METTL8: variants seen among roughly 807,000 people sequenced by gnomAD.
METTL8 encodes the protein tRNA N(3)-cytidine methyltransferase METTL8, mitochondrial.
In METTL8, 32 loss-of-function variants were observed where a neutral mutation model predicts 48.7. That is an observed-to-expected ratio of 0.66 (90% CI 0.50 to 0.88). The LOEUF (loss-of-function observed/expected upper bound fraction) is 0.88. METTL8 is among the 40% of genes least tolerant of loss of function. The pLI, the probability that METTL8 is intolerant of heterozygous loss-of-function variation, is 0.00. For synonymous variants in METTL8, 136 were observed against 157.1 expected (o/e 0.87, Z 1.01); for missense variants, 464 against 474.4 (o/e 0.98, Z 0.20).
intron 3 of METTL8, among the ~76,000 whole-genome samples, chr2:171,355,251 C>T (rs560003107): frequency 6.6e-6 from 1 of 152,326 alleles, no homozygotes; most frequent in East Asian, 1.9e-4. Context: ...CCCTGTTAAC[C>T]TAGGTATCAC....
chr2:171,434,222 C>G (rs1693566422), upstream of METTL8: 1 of 438,812 alleles, frequency 2.3e-6, no homozygotes, highest in African/African-American at 2.0e-5. Flanking sequence ...ATTGTAGTTC[C>G]TGGGAGAAGC....
chr2:171,325,979 G>A, intron 8 of METTL8, 63 bp downstream of exon 8: 2 of 1,355,988 alleles, frequency 1.5e-6, no homozygotes, highest in Non-Finnish European at 2.1e-6. Context: ...ACTTTGATGT[G>A]AAATATAAAC....
At chr2:171,340,576 C>A (rs1409579065) in intron 3 of METTL8, among the ~76,000 whole-genome samples, 3 of 141,436 alleles carry the variant, frequency 2.1e-5, no homozygotes, top group African/African-American at 5.4e-5. Flanking sequence ...AATAAATAAA[C>A]AAATAAAAGA....
At chr2:171,357,100 G>C (rs556976517) in intron 3 of METTL8, among the ~76,000 whole-genome samples, 1 of 151,848 alleles carries the variant, frequency 6.6e-6, no homozygotes, top group Non-Finnish European at 1.5e-5. Flanking sequence ...TGGGACTACA[G>C]GGATGCACCA....
intron 2 of METTL8, among the ~76,000 whole-genome samples, chr2:171,378,918 T>C (rs1336441458): frequency 6.6e-6 from 1 of 152,244 alleles, no homozygotes; most frequent in Non-Finnish European, 1.5e-5. Context: ...CTGATGGATA[T>C]CTACAGAACT....
intron 2 of METTL8, among the ~76,000 whole-genome samples, chr2:171,363,450 A>C (rs1685368066): frequency 6.6e-6 from 1 of 152,094 alleles, no homozygotes; most frequent in Non-Finnish European, 1.5e-5. Flanking sequence ...TAATAAACAA[A>C]CTGGAAATAA....
chr2:171,405,893 C>G (rs901064582), intron 1 of METTL8, among the ~76,000 whole-genome samples: 1 of 151,812 alleles, frequency 6.6e-6, no homozygotes, highest in Admixed American at 6.6e-5. Context: ...AAGTAAGAGG[C>G]TGTAAGGTAG....
At chr2:171,381,052 T>C (rs568815596) in intron 2 of METTL8, among the ~76,000 whole-genome samples, 34 of 152,184 alleles carry the variant, frequency 2.2e-4, no homozygotes, top group East Asian at 7.7e-4. Context: ...AAAACAGACA[T>C]ATAGACCAAC....
Position 171,339,306 on chromosome 2 carries a change from A to C in METTL8, c.484T>G (p.Ser162Ala). Residue 162 changes from serine (S) to alanine (A), a missense_variant, in exon 4 of 10, where the codon TCT (serine) becomes GCT (alanine). Coordinates refer to ENST00000375258, the MANE Select transcript of METTL8 (RefSeq NM_001321154.2). Reference sequence around the variant, plus strand: ...TCTGTTTTGCTTTGACCTTCTGAAGAACCAGAACTTTTCTCATAATGATTT... The same window carrying C: ...TCTGTTTTGCTTTGACCTTCTGAAGCACCAGAACTTTTCTCATAATGATTT... ...EKNHYEKSSG[S>A]SEGQSKTESD... is the part of the protein sequence containing the mutation. The C allele has an allele frequency of 6.2e-7, 1 of 1,613,344 alleles. No homozygotes were observed. The highest frequency in any genetic ancestry group is 1.1e-5 in the South Asian group (1 of 90,998).
Position 171,317,091 on chromosome 2 carries a change from A to C in METTL8, c.*7081T>G, listed in dbSNP as rs534073752. ...AGAGCATTAAAAACAAAAAACAAAA[A>C]AGCCCCACTAATGCAGTGGACTCAG... On this transcript the variant is annotated 3_prime_UTR_variant, in exon 10 of 10. Coordinates refer to ENST00000375258, the MANE Select transcript of METTL8 (RefSeq NM_001321154.2). Among the ~76,000 whole-genome samples, 19 of 152,234 alleles carry C rather than the reference A, an allele frequency of 1.2e-4. No homozygotes were observed. Among genetic ancestry groups the C allele is most frequent in the African/African-American group, 4.3e-4 (18 of 41,538 alleles).
chr2:171,335,414 T>A (rs1051700194), intron 5 of METTL8, among the ~76,000 whole-genome samples: 1 of 152,298 alleles, frequency 6.6e-6, no homozygotes, highest in Admixed American at 6.5e-5. Context: ...CTTTTCTGAA[T>A]GTTTTTTAAT....
intron 3 of METTL8, among the ~76,000 whole-genome samples, chr2:171,355,791 T>C (rs1386869390): frequency 4.6e-5 from 7 of 152,322 alleles, no homozygotes. Context: ...AATCTCCTGG[T>C]GCGCCGTTTG....
chr2:171,371,774 A>G (rs1173406049), intron 2 of METTL8, among the ~76,000 whole-genome samples: 1 of 152,012 alleles, frequency 6.6e-6, no homozygotes, highest in African/African-American at 2.4e-5. Flanking sequence ...TAGGACTATA[A>G]GTGCATATCA....
At position 171,322,005 on chromosome 2, in the gene METTL8, C is replaced by G. The variant is rs1407001836; in HGVS notation, c.*2167G>C. The G allele has an allele frequency of 6.6e-6, 1 of 151,334 alleles. No individual in the cohort carries two copies. Among genetic ancestry groups the G allele is most frequent in the African/African-American group, 2.4e-5 (1 of 41,118 alleles). 9.4% of individuals were successfully genotyped at this position (151,334 alleles called of 1,614,324 possible). On this transcript the variant is annotated 3_prime_UTR_variant, in exon 10 of 10. Coordinates refer to ENST00000375258, the MANE Select transcript of METTL8 (RefSeq NM_001321154.2). ...GATACGCAGTCTAACAACTGTCACC[C>G]AGGCTGGAGGGCAGTGGTGTCATCT...
chr2:171,402,015 C>T (rs568187483), intron 1 of METTL8, among the ~76,000 whole-genome samples: 66 of 152,188 alleles, frequency 4.3e-4, no homozygotes, highest in African/African-American at 1.6e-3. Flanking sequence ...ACAAAGAATC[C>T]TGACATGATA....
At chr2:171,376,679 A>G (rs1483697303) in intron 2 of METTL8, among the ~76,000 whole-genome samples, 1 of 152,148 alleles carries the variant, frequency 6.6e-6, no homozygotes, top group African/African-American at 2.4e-5. Flanking sequence ...AAACTACAAA[A>G]CACTGCTGAA....
chr2:171,403,488 A>G (rs965709721), intron 1 of METTL8, among the ~76,000 whole-genome samples: 1 of 152,176 alleles, frequency 6.6e-6, no homozygotes, highest in African/African-American at 2.4e-5. Flanking sequence ...ATAAGGAGAC[A>G]CGATGACTAC....
chr2:171,329,027 C>T (rs1685250243), intron 7 of METTL8, among the ~76,000 whole-genome samples: 3 of 151,606 alleles, frequency 2.0e-5, no homozygotes, highest in African/African-American at 4.9e-5. Flanking sequence ...GCTTTGTCGC[C>T]CAGGCTGGAG....
intron 4 of METTL8, 138 bp from the exon 5 acceptor site, chr2:171,337,640 C>T (rs995872192): frequency 1.6e-6 from 1 of 609,408 alleles, no homozygotes; most frequent in African/African-American, 1.9e-5. Flanking sequence ...AACTCAAAAG[C>T]AATGAAATAA....
Sources: gnomAD v4.1 joint callset for allele counts (sites outside exome capture counted in the v4.1 genomes callset) on GRCh38, gnomAD v4.1.1 for gene constraint, MANE v1.5 for transcripts, NCBI Gene and HGNC (gene_info 2026-07-23, HGNC 2026-07-21) for gene names.